Variants in IL7 observed in about 807,000 individuals in gnomAD.
IL7 encodes the protein interleukin 7, also known as interleukin-7.
A neutral mutation model predicts 21.6 loss-of-function variants in IL7; 3 were observed. The ratio of observed to expected loss-of-function variants is 0.14; its 90% CI spans 0.06 to 0.36. The LOEUF is 0.36. IL7 is among the 10% of genes least tolerant of loss of function. The probability of loss-of-function intolerance (pLI) is 1.00; values close to 1 mark genes in which losing one functional copy is unlikely to be tolerated. For synonymous variants in IL7, 62 were observed against 68.1 expected (o/e 0.91, Z 0.44); for missense variants, 175 against 200.2 (o/e 0.87, Z 0.76).
chr8:78,804,150 T>G (rs1404947508), intron 1 of IL7, among the ~76,000 whole-genome samples: 2 of 152,174 alleles, frequency 1.3e-5, no homozygotes, highest in Non-Finnish European at 2.9e-5. Flanking sequence ...ATTCTGTCCC[T>G]GTCCATTCTA....
intron 2 of IL7, among the ~76,000 whole-genome samples, chr8:78,776,158 G>T (rs1813130923): frequency 6.6e-6 from 1 of 151,998 alleles, no homozygotes; most frequent in Admixed American, 6.6e-5. Flanking sequence ...CACTACTCTT[G>T]CTTTTTGGGG....
At chr8:78,693,163 G>A (rs1810271375) in intron 3 of IL7, among the ~76,000 whole-genome samples, 1 of 152,038 alleles carries the variant, frequency 6.6e-6, no homozygotes, top group Non-Finnish European at 1.5e-5. Context: ...CCAAGTCTTT[G>A]CTATTGTGAA....
At chr8:78,687,002 T>C (rs1013491497) in intron 3 of IL7, among the ~76,000 whole-genome samples, 16 of 151,992 alleles carry the variant, frequency 1.1e-4, no homozygotes, top group Non-Finnish European at 2.4e-4. Flanking sequence ...GAGATTGATA[T>C]AAAAAAAATC....
At chr8:78,675,617 A>G (rs1213164187), downstream of IL7, 3 of 572,354 alleles carry the variant, frequency 5.2e-6, no homozygotes, top group Non-Finnish European at 9.0e-6. Context: ...ACCACTGATA[A>G]CTAAGTATTA....
intron 5 of IL7, among the ~76,000 whole-genome samples, chr8:78,720,166 T>A (rs1811210271): frequency 6.6e-6 from 1 of 151,826 alleles, no homozygotes; most frequent in African/African-American, 2.4e-5. Context: ...AATTTCAGAT[T>A]AGACATGTTT....
Position 78,687,766 on chromosome 8 carries a change from GACATTATATATATATTTACGTAAT to G in IL7, n.215-1843_215-1820del, listed in dbSNP as rs1810058391. Among the ~76,000 whole-genome samples the G allele has an allele frequency of 1.5e-4, 4 of 26,622 alleles. 2 individuals carry two copies. The South Asian group carries it at 4.5e-3, about 30-fold the overall frequency. 17.5% of individuals were successfully genotyped at this position (26,622 alleles called of 152,430 possible). On this transcript the variant is annotated intron_variant and non_coding_transcript_variant, in intron 3 of 4. Transcript: ENST00000523959. ...TAATACATTATATATATTTACGTAA[GACATTATATATATATTTACGTAAT>G]ACATTATATATATTCATGTAATAAA...
intron 1 of IL7, among the ~76,000 whole-genome samples, chr8:78,804,152 T>C (rs1321852412): frequency 6.6e-6 from 1 of 152,192 alleles, no homozygotes; most frequent in Non-Finnish European, 1.5e-5. Context: ...TCTGTCCCTG[T>C]CCATTCTAAA....
rs1813913041 is a variant in IL7, at chr8:78,797,846, G to A, written c.147+226C>T. On this transcript the variant is annotated intron_variant, in intron 2 of 5. Coordinates refer to ENST00000263851, the MANE Select transcript of IL7 (RefSeq NM_000880.4). ...AATTTACTAAAAGGGAAATAGGACT[G>A]AAATGAATAGTTGTGAGAATCTTAG... 8.1e-6 allele frequency: 3 copies of A among 369,056 alleles called. No individual in the cohort carries two copies. The Admixed American group carries it at 1.2e-4, about 15-fold the overall frequency. The allele number at this position is 369,056 out of a possible 1,614,324, so 22.9% of individuals were successfully genotyped here.
chr8:78,802,193 T>G (rs1814086879), intron 1 of IL7, among the ~76,000 whole-genome samples: 1 of 152,126 alleles, frequency 6.6e-6, no homozygotes, highest in Non-Finnish European at 1.5e-5. Flanking sequence ...GCTGCTTAAG[T>G]TATGGGGGTC....
chr8:78,742,594 A>T (rs1029893187), intron 2 of IL7, among the ~76,000 whole-genome samples: 2 of 152,188 alleles, frequency 1.3e-5, no homozygotes, highest in African/African-American at 2.4e-5. Flanking sequence ...TATACACTTA[A>T]TTACATACAA....
At chr8:78,769,118 T>G (rs1178588793) in intron 2 of IL7, among the ~76,000 whole-genome samples, 1 of 151,816 alleles carries the variant, frequency 6.6e-6, no homozygotes, top group African/African-American at 2.4e-5. Flanking sequence ...CTTTGAAAAC[T>G]GGCACAAGAC....
At chr8:78,759,013 C>G (rs1812449601) in intron 2 of IL7, among the ~76,000 whole-genome samples, 1 of 151,288 alleles carries the variant, frequency 6.6e-6, no homozygotes, top group African/African-American at 2.4e-5. Context: ...TTTATGGTGT[C>G]CTATATGTCA....
At chr8:78,802,578 C>T (rs998006912) in intron 1 of IL7, among the ~76,000 whole-genome samples, 1 of 151,840 alleles carries the variant, frequency 6.6e-6, no homozygotes, top group Non-Finnish European at 1.5e-5. Context: ...TTATAGGTGC[C>T]CACCACAACG....
intron 2 of IL7, among the ~76,000 whole-genome samples, chr8:78,788,506 A>T (rs1382683579): frequency 3.3e-5 from 5 of 152,140 alleles, no homozygotes; most frequent in Admixed American, 6.6e-5. Flanking sequence ...TTGTGTTTTT[A>T]ATTTCCAAAT....
chr8:78,786,818 C>T (rs180742389), intron 2 of IL7, among the ~76,000 whole-genome samples: 10 of 152,238 alleles, frequency 6.6e-5, no homozygotes, highest in African/African-American at 1.7e-4. Flanking sequence ...AGGCAGCCCC[C>T]AGCTCCAGCC....
At chr8:78,745,912 C>T (rs1047064124) in intron 2 of IL7, among the ~76,000 whole-genome samples, 1 of 152,120 alleles carries the variant, frequency 6.6e-6, no homozygotes, top group Admixed American at 6.5e-5. Flanking sequence ...CTAGTGGCTC[C>T]AGTCTCTGCC....
chr8:78,727,833 T>G (rs1316364665), downstream of IL7, among the ~76,000 whole-genome samples: 1 of 152,000 alleles, frequency 6.6e-6, no homozygotes, highest in Non-Finnish European at 1.5e-5. Context: ...ACAGAAGGCA[T>G]GATTTCTATT....
At chr8:78,779,680 A>G (rs1056670888) in intron 2 of IL7, among the ~76,000 whole-genome samples, 5 of 152,006 alleles carry the variant, frequency 3.3e-5, no homozygotes, top group African/African-American at 1.2e-4. Flanking sequence ...TTCATCAGAG[A>G]TGTTGGCCTG....
chr8:78,761,137 C>A, intron 2 of IL7: 2 of 1,593,240 alleles, frequency 1.3e-6, no homozygotes, highest in East Asian at 4.5e-5. Context: ...AAGCATCATG[C>A]CTCCCTGTCC....
Sources: gnomAD v4.1 joint callset for allele counts (sites outside exome capture counted in the v4.1 genomes callset) on GRCh38, gnomAD v4.1.1 for gene constraint, MANE v1.5 for transcripts, NCBI Gene and HGNC (gene_info 2026-07-23, HGNC 2026-07-21) for gene names.